MYT1L: variants seen among roughly 807,000 people sequenced by gnomAD.
MYT1L encodes the protein myelin transcription factor 1-like protein.
MYT1L carries 12 observed loss-of-function variants against 126.7 expected under a neutral mutation model. That is an observed-to-expected ratio of 0.09 (90% CI 0.06 to 0.15). The LOEUF is 0.15. Among genes scored for constraint, MYT1L ranks in the 10% least tolerant of loss-of-function variants. The probability of loss-of-function intolerance (pLI) is 1.00; values close to 1 mark genes in which losing one functional copy is unlikely to be tolerated. For synonymous variants in MYT1L, 541 were observed against 604.2 expected (o/e 0.90, Z 1.53); for missense variants, 979 against 1,585.2 (o/e 0.62, Z 6.49).
chr2:2,217,433 A>T (rs894783011), intron 2 of MYT1L, among the ~76,000 whole-genome samples: 2 of 152,126 alleles, frequency 1.3e-5, no homozygotes, highest in Non-Finnish European at 2.9e-5. Context: ...CTGTAATCCC[A>T]GCACTTTGGG....
chr2:2,246,378 G>A (rs144832662), intron 2 of MYT1L, among the ~76,000 whole-genome samples: 246 of 152,256 alleles, frequency 1.6e-3, no homozygotes, highest in African/African-American at 5.8e-3. Flanking sequence ...CTTTTTAATA[G>A]GTACCTGGGG....
At chr2:1,967,481 TCCTTTGCTGCGCCTTCACATCCTCCC>T (rs914689933) in intron 8 of MYT1L, among the ~76,000 whole-genome samples, 4 of 152,248 alleles carry the variant, frequency 2.6e-5, no homozygotes, top group African/African-American at 9.6e-5. Context: ...CCCCGGAATC[TCCTTTGCTGCGCCTTCACATCCTCCC>T]CCTTTCCTCC....
intron 5 of MYT1L, among the ~76,000 whole-genome samples, chr2:1,982,866 G>T (rs1020584482): frequency 2.0e-5 from 3 of 152,190 alleles, no homozygotes; most frequent in Admixed American, 6.5e-5. Context: ...GTTTAGGGGA[G>T]CACCTGTGAG....
Position 2,259,409 on chromosome 2 carries a change from TAA to T in MYT1L, c.-421+24993_-421+24994del, listed in dbSNP as rs71402142. Among the ~76,000 whole-genome samples, 8 of 143,688 alleles carry T rather than the reference TAA, an allele frequency of 5.6e-5. 1 individual carries two copies. The highest frequency in any genetic ancestry group is 2.2e-4 in the African/African-American group (8 of 36,910). The allele number at this position is 143,688 out of a possible 152,430, so 94.3% of individuals were successfully genotyped here. On this transcript the variant is annotated intron_variant, in intron 2 of 24. Coordinates refer to ENST00000647738, the MANE Select transcript of MYT1L (RefSeq NM_001303052.2). ...TAGAGTATAATAAAAAAAAAAACAT[TAA>T]AAAAAAAAATGGAACTATGTGAGGT...
intron 3 of MYT1L, among the ~76,000 whole-genome samples, chr2:2,171,149 C>T (rs967915569): frequency 6.6e-6 from 1 of 152,130 alleles, no homozygotes; most frequent in South Asian, 2.1e-4. Context: ...GCTAGAACCT[C>T]GAGATCTCTT....
At chr2:2,058,580 G>A (rs909634463) in intron 3 of MYT1L, among the ~76,000 whole-genome samples, 1 of 152,188 alleles carries the variant, frequency 6.6e-6, no homozygotes, top group Non-Finnish European at 1.5e-5. Context: ...GTCTAGAATT[G>A]TGCCTGGCAC....
chr2:2,209,365 A>G (rs888297385), intron 2 of MYT1L, among the ~76,000 whole-genome samples: 2 of 151,964 alleles, frequency 1.3e-5, no homozygotes, highest in African/African-American at 2.4e-5. Context: ...TATTTTTGTA[A>G]CCATTAACCT....
At chr2:1,851,831 G>A in intron 18 of MYT1L, 128 bp from the exon 19 acceptor site, 1 of 865,932 alleles carries the variant, frequency 1.2e-6, no homozygotes, top group Non-Finnish European at 1.9e-6. Flanking sequence ...AGGCTGAGTG[G>A]AGCCGGAAGC....
chr2:1,873,394 GA>G (rs2046489791), intron 18 of MYT1L, among the ~76,000 whole-genome samples: 2 of 152,120 alleles, frequency 1.3e-5, no homozygotes, highest in African/African-American at 4.8e-5. Context: ...CATGATATGA[GA>G]AAAAAATGAG....
intron 4 of MYT1L, among the ~76,000 whole-genome samples, chr2:2,048,977 C>T (rs2068507905): frequency 6.6e-6 from 1 of 152,138 alleles, no homozygotes; most frequent in Admixed American, 6.6e-5. Context: ...AAAATAAAAG[C>T]TCAAACAATT....
At chr2:1,976,908 G>A (rs2060230671) in intron 8 of MYT1L, among the ~76,000 whole-genome samples, 1 of 152,148 alleles carries the variant, frequency 6.6e-6, no homozygotes, top group Admixed American at 6.5e-5. Context: ...TCTTATTTTA[G>A]AACAGAGGAA....
At position 1,956,433 on chromosome 2, in the gene MYT1L, T is replaced by TCTATCTATCTAC. The variant is rs1403332827; in HGVS notation, c.153-13100_153-13099insGTAGATAGATAG. ...ATCTATCTATCTATCTATCTATCTA[T>TCTATCTATCTAC]CTATCTACCTATCATCTATCTATCC... is the stretch of plus-strand genomic sequence containing the variant. On this transcript the variant is annotated intron_variant, in intron 8 of 24. Transcript: ENST00000647738. Among the ~76,000 whole-genome samples the TCTATCTATCTAC allele has an allele frequency of 7.1e-5, 10 of 140,188 alleles. 1 individual carries two copies. The highest frequency in any genetic ancestry group is 1.2e-4 in the Non-Finnish European group (8 of 66,236). 92.0% of individuals were successfully genotyped at this position (140,188 alleles called of 152,430 possible). A position where few individuals can be genotyped will look rare whatever the true frequency, so the allele number is the denominator to read the frequency against.
intron 4 of MYT1L, among the ~76,000 whole-genome samples, chr2:2,026,175 T>C (rs1415387375): frequency 6.6e-6 from 1 of 152,154 alleles, no homozygotes; most frequent in African/African-American, 2.4e-5. Flanking sequence ...TAAACACACC[T>C]CTTAAAACTT....
chr2:1,832,403 A>C (rs1050360612), intron 21 of MYT1L, among the ~76,000 whole-genome samples: 3 of 152,156 alleles, frequency 2.0e-5, no homozygotes, highest in African/African-American at 7.2e-5. Context: ...GAGCAGACTA[A>C]GATACCCATG....
chr2:1,874,968 G>C (rs777255895), intron 18 of MYT1L, among the ~76,000 whole-genome samples: 3 of 152,178 alleles, frequency 2.0e-5, no homozygotes, highest in Non-Finnish European at 2.9e-5. Context: ...TGGCCCATCC[G>C]TGGTCCTCCC....
chr2:2,032,316 G>A (rs2066407188), intron 4 of MYT1L, among the ~76,000 whole-genome samples: 1 of 121,118 alleles, frequency 8.3e-6, no homozygotes, highest in African/African-American at 3.6e-5. Flanking sequence ...TCATCCTGTG[G>A]CCCAGAGCAG....
intron 4 of MYT1L, among the ~76,000 whole-genome samples, chr2:2,014,975 G>A (rs2064224822): frequency 6.6e-6 from 1 of 152,148 alleles, no homozygotes; most frequent in Admixed American, 6.5e-5. Flanking sequence ...ACCTACAAAG[G>A]GCTATTGGAT....
intron 2 of MYT1L, among the ~76,000 whole-genome samples, chr2:2,201,390 G>A (rs975414900): frequency 6.6e-6 from 1 of 152,022 alleles, no homozygotes; most frequent in African/African-American, 2.4e-5. Context: ...GTCATTAATG[G>A]TTAGGTTCTT....
intron 9 of MYT1L, among the ~76,000 whole-genome samples, chr2:1,932,910 T>G (rs1285926167): frequency 6.6e-6 from 1 of 152,040 alleles, no homozygotes; most frequent in Non-Finnish European, 1.5e-5. Flanking sequence ...CTGGATGCCT[T>G]CTGCTGAAGC....
Sources: gnomAD v4.1 joint callset for allele counts (sites outside exome capture counted in the v4.1 genomes callset) on GRCh38, gnomAD v4.1.1 for gene constraint, MANE v1.5 for transcripts, NCBI Gene and HGNC (gene_info 2026-07-23, HGNC 2026-07-21) for gene names.